Variants in EYA1 observed in about 807,000 individuals in gnomAD.
EYA1 encodes EYA transcriptional coactivator and phosphatase 1.
Under a neutral mutation model 82.0 loss-of-function variants are expected in EYA1, and 16 were observed. The observed-to-expected ratio is 0.20, with a 90% confidence interval of 0.13 to 0.30. EYA1 has a LOEUF of 0.30. EYA1 is among the 10% of genes least tolerant of loss of function. The pLI is 1.00. For missense variants in EYA1, 633 were observed against 730.7 expected, an observed-to-expected ratio of 0.87 and a Z score of 1.54; for synonymous variants, 261 against 264.4, an observed-to-expected ratio of 0.99 and a Z score of 0.12.
intron 3 of EYA1, among the ~76,000 whole-genome samples, chr8:71,335,818 A>C (rs907746650): frequency 2.0e-5 from 3 of 151,704 alleles, no homozygotes; most frequent in African/African-American, 4.8e-5. Flanking sequence ...CACACACACA[A>C]AACCTAATAT....
At chr8:71,247,568 T>C (rs541383626) in intron 11 of EYA1, among the ~76,000 whole-genome samples, 65 of 152,300 alleles carry the variant, frequency 4.3e-4, no homozygotes, top group African/African-American at 1.4e-3. Context: ...CCCTTTTTAA[T>C]ACACCTGAAA....
chr8:71,205,155 G>A (rs1807597892), intron 17 of EYA1, among the ~76,000 whole-genome samples: 1 of 152,146 alleles, frequency 6.6e-6, no homozygotes, highest in Admixed American at 6.6e-5. Flanking sequence ...CATATAAAAT[G>A]AACATATTTA....
Position 71,362,025 on chromosome 8 carries a change from C to A in EYA1, c.-433G>T. ...TTCTGTTTGGTAACAGCTTTGCGCC[C>A]AGCGCTCCTTCCCCACCAAACAGCA... is the stretch of plus-strand genomic sequence containing the variant. On this transcript the variant is annotated 5_prime_UTR_variant, in exon 1 of 18. Transcript: ENST00000340726. 1 of 985,512 alleles carries A rather than the reference C, an allele frequency of 1.0e-6. No homozygotes were observed. Among genetic ancestry groups the A allele is most frequent in the Non-Finnish European group, 1.2e-6 (1 of 829,980 alleles). 61.0% of individuals were successfully genotyped at this position (985,512 alleles called of 1,614,324 possible).
chr8:71,392,902 T>C (rs1829359948), intron 2 of EYA1, among the ~76,000 whole-genome samples: 1 of 152,210 alleles, frequency 6.6e-6, no homozygotes, highest in Non-Finnish European at 1.5e-5. Flanking sequence ...CTCATTTTTC[T>C]ATTTTATGTT....
At chr8:71,207,646 C>G (rs1485610532) in intron 17 of EYA1, among the ~76,000 whole-genome samples, 1 of 151,486 alleles carries the variant, frequency 6.6e-6, no homozygotes, top group Non-Finnish European at 1.5e-5. Context: ...TTTGTGTGTG[C>G]CCTATATTAA....
At chr8:71,397,951 C>A (rs1219506650) in intron 2 of EYA1, among the ~76,000 whole-genome samples, 1 of 152,170 alleles carries the variant, frequency 6.6e-6, no homozygotes, top group Non-Finnish European at 1.5e-5. Flanking sequence ...TTGGTGTTTT[C>A]ACATAGTTCC....
chr8:71,460,537 G>A (rs1808285679), intron 2 of EYA1, among the ~76,000 whole-genome samples: 1 of 152,174 alleles, frequency 6.6e-6, no homozygotes, highest in African/African-American at 2.4e-5. Context: ...CAGACAGGTG[G>A]AGAAACTAAT....
intron 2 of EYA1, among the ~76,000 whole-genome samples, chr8:71,502,203 G>T (rs1294413663): frequency 6.6e-6 from 1 of 152,266 alleles, no homozygotes; most frequent in Non-Finnish European, 1.5e-5. Context: ...ATTTGACTAG[G>T]TGATACAAAA....
Position 71,321,822 on chromosome 8 carries a change from C to T in EYA1, c.330G>A (p.Gly110=). The T allele has an allele frequency of 6.2e-7, 1 of 1,614,202 alleles. No individual in the cohort carries two copies. Among genetic ancestry groups the T allele is most frequent in the Non-Finnish European group, 8.5e-7 (1 of 1,180,048 alleles). ...GCATTCCTGTGGTAAACTGTGTTTG[C>T]CCATATGCAGCCATAGTTTGTGAGG... The part of the protein sequence containing the change: ...TPSSQTMAAY[G]QTQFTTGMQQ... The change falls in exon 6 of 18, where the codon GGG becomes GGA. Residue 110 remains glycine, a synonymous_variant. Coordinates refer to ENST00000340726, the MANE Select transcript of EYA1 (RefSeq NM_000503.6).
intron 2 of EYA1, among the ~76,000 whole-genome samples, chr8:71,473,353 CAAA>C (rs35494054): frequency 0.029 from 2,512 of 86,662 alleles, 48 homozygotes; most frequent in African/African-American, 0.08. Context: ...AACAAATTTA[CAAA>C]AAAAAAAAAA....
chr8:71,245,163 A>C (rs1812927374), intron 11 of EYA1, among the ~76,000 whole-genome samples: 2 of 152,304 alleles, frequency 1.3e-5, no homozygotes, highest in Admixed American at 1.3e-4. Context: ...CGTGCAGCCC[A>C]GTACGGCTTT....
chr8:71,510,194 C>T (rs1005240457), intron 2 of EYA1, among the ~76,000 whole-genome samples: 1 of 152,056 alleles, frequency 6.6e-6, no homozygotes, highest in Non-Finnish European at 1.5e-5. Context: ...TCATTAGACT[C>T]AAAATGATGA....
chr8:71,396,097 C>G (rs189475554), intron 2 of EYA1, among the ~76,000 whole-genome samples: 1,580 of 152,252 alleles, frequency 0.01, 16 homozygotes, highest in Non-Finnish European at 0.018. Flanking sequence ...TTATAGTATT[C>G]TCTGATGGTA....
chr8:71,464,473 CA>C (rs1411682568), intron 2 of EYA1, among the ~76,000 whole-genome samples: 4 of 152,210 alleles, frequency 2.6e-5, no homozygotes, highest in African/African-American at 9.6e-5. Flanking sequence ...GCCACTTACA[CA>C]GGTAAAGGGC....
intron 3 of EYA1, among the ~76,000 whole-genome samples, chr8:71,344,697 TAAG>T (rs1365364938): frequency 1.3e-5 from 2 of 152,164 alleles, no homozygotes; most frequent in Non-Finnish European, 2.9e-5. Flanking sequence ...GGCACGGCAA[TAAG>T]AAGGTTTAAG....
intron 2 of EYA1, among the ~76,000 whole-genome samples, chr8:71,434,555 CATAGAAG>C (rs1375336083): frequency 2.0e-5 from 3 of 152,102 alleles, no homozygotes; most frequent in Non-Finnish European, 4.4e-5. Context: ...TTAGAGGTTA[CATAGAAG>C]ATAGAAGTCT....
intron 2 of EYA1, among the ~76,000 whole-genome samples, chr8:71,471,360 G>T (rs1350802709): frequency 2.0e-5 from 3 of 152,006 alleles, no homozygotes; most frequent in Non-Finnish European, 2.9e-5. Context: ...TGCAACATAA[G>T]ATGATTGTTA....
chr8:71,452,900 C>G (rs143545636), intron 2 of EYA1, among the ~76,000 whole-genome samples: 138 of 152,216 alleles, frequency 9.1e-4, no homozygotes, highest in African/African-American at 3.0e-3. Flanking sequence ...TTGCCAGCAA[C>G]GGAACAAAGC....
At chr8:71,450,225 A>C (rs1807246220) in intron 2 of EYA1, among the ~76,000 whole-genome samples, 1 of 152,218 alleles carries the variant, frequency 6.6e-6, no homozygotes, top group Admixed American at 6.5e-5. Context: ...CAAGAGGCCT[A>C]CTTTTGGCCT....
Sources: gnomAD v4.1 joint callset for allele counts (sites outside exome capture counted in the v4.1 genomes callset) on GRCh38, gnomAD v4.1.1 for gene constraint, MANE v1.5 for transcripts, NCBI Gene and HGNC (gene_info 2026-07-23, HGNC 2026-07-21) for gene names.